Variants in XKR6 observed in about 807,000 individuals in gnomAD.
XKR6 encodes XK-related protein 6.
A neutral mutation model predicts 56.7 loss-of-function variants in XKR6; 22 were observed. That is an observed-to-expected ratio of 0.39 (90% confidence interval 0.28 to 0.55). XKR6 has a LOEUF of 0.55. Among genes scored for constraint, XKR6 ranks in the 20% least tolerant of loss-of-function variants. XKR6 has a pLI of 0.66. For missense variants in XKR6, 852 were observed against 889.0 expected (o/e 0.96, Z 0.53); for synonymous variants, 524 against 387.8 (o/e 1.35, Z -4.13).
chr8:10,907,399 A>C (rs771136729), intron 2 of XKR6, among the ~76,000 whole-genome samples: 3 of 152,182 alleles, frequency 2.0e-5, no homozygotes, highest in Non-Finnish European at 4.4e-5. Flanking sequence ...AGTAAGTTCA[A>C]TAACAGTGAT....
At chr8:11,116,861 C>A (rs1189933824) in intron 1 of XKR6, among the ~76,000 whole-genome samples, 1 of 152,148 alleles carries the variant, frequency 6.6e-6, no homozygotes. Flanking sequence ...GCGACACTGT[C>A]CTAACTCCAA....
At position 10,946,955 on chromosome 8, in the gene XKR6, C is replaced by G. The variant is rs545818530; in HGVS notation, c.765-22125G>C. 5.3e-5 allele frequency among the ~76,000 whole-genome samples: 8 copies of G among 152,058 alleles called. No individual in the cohort carries two copies. The East Asian group carries it at 1.4e-3, about 26-fold the overall frequency. Reference sequence around the variant, plus strand: ...AGACAGTTCCAGAGGGTCAAAATCCCCCAGGTTTGCGTGGGGACAGAGAGG... The same window carrying G: ...AGACAGTTCCAGAGGGTCAAAATCCGCCAGGTTTGCGTGGGGACAGAGAGG... On this transcript the variant is annotated intron_variant, in intron 1 of 2. Transcript: ENST00000416569.
Position 10,898,569 on chromosome 8 carries a change from G to A in XKR6, c.1309C>T (p.Arg437Trp), listed in dbSNP as rs1232058022. 8 of 1,613,918 alleles carry A rather than the reference G, an allele frequency of 5.0e-6. No homozygotes were observed. Among genetic ancestry groups the A allele is most frequent in the East Asian group, 4.5e-5 (2 of 44,880 alleles). ...IFCWFNVKEGRTRYRMFAYYT... is the reference protein window; with the variant it reads ...IFCWFNVKEGWTRYRMFAYYT... Reference sequence around the variant, plus strand: ...TATGCAAACATTCGATATCGAGTCCGCCCTTCCTTGACGTTAAACCAGCAG... The same window carrying A: ...TATGCAAACATTCGATATCGAGTCCACCCTTCCTTGACGTTAAACCAGCAG... The change falls in exon 3 of 3, where the codon CGG (arginine) becomes TGG (tryptophan). Residue 437 changes from arginine to tryptophan, a missense_variant. By Grantham distance (101) the Arg-to-Trp change is moderately radical (BLOSUM62 -3). Around this residue, in one of 4 missense-constraint regions of XKR6, gnomAD observed 199 missense variants for 280.4 expected, o/e 0.71. Coordinates refer to ENST00000416569, the MANE Select transcript of XKR6 (RefSeq NM_173683.4). The surrounding 1 kb of genome is among the most constrained non-coding windows in gnomAD (Gnocchi z 6.6).
Position 10,941,171 on chromosome 8 carries a change from C to T in XKR6, c.765-16341G>A, listed in dbSNP as rs1054182231. Among the ~76,000 whole-genome samples the T allele has an allele frequency of 2.6e-5, 4 of 152,174 alleles. No homozygotes were observed. In the South Asian group the frequency reaches 8.3e-4, roughly 32 times the overall value. On this transcript the variant is annotated intron_variant, in intron 1 of 2. Transcript: ENST00000416569. ...CAACAGGCTCCTTCTACCCTCTCTC[C>T]TGTCCTTCCTCCGGGTTCACAGCCT...
At chr8:11,004,004 A>C (rs559352383) in intron 1 of XKR6, among the ~76,000 whole-genome samples, 156 of 152,122 alleles carry the variant, frequency 1.0e-3, no homozygotes, top group Non-Finnish European at 1.4e-3. Context: ...GTGGCTGTGG[A>C]GTAGTGGGTC....
Position 11,200,661 on chromosome 8 carries a change from T to A in XKR6, c.679A>T (p.Thr227Ser). 1 of 1,555,596 alleles carries A rather than the reference T, an allele frequency of 6.4e-7. No individual in the cohort carries two copies. Among genetic ancestry groups the A allele is most frequent in the African/African-American group, 1.4e-5 (1 of 69,358 alleles). The change falls in exon 1 of 3, where the codon ACG becomes TCG. Residue 227 changes from threonine to serine, a missense_variant. Physicochemically the swap from Thr to Ser is moderately conservative, Grantham distance 58 (BLOSUM62 1). This residue lies in a region of XKR6 where 417 missense variants were observed against 355.2 expected (regional missense o/e 1.17). Coordinates refer to ENST00000416569, the MANE Select transcript of XKR6 (RefSeq NM_173683.4). This position sits in a 1 kb window ranked among gnomAD's most constrained non-coding sequence, Gnocchi z 6.4. The stretch of plus-strand genomic sequence containing the variant: ...CGACACAGGCGCTGCGCCCCCGGCG[T>A]GGGGGAGACCCTCACGCCTGGGCCA... ...RGGPGVRVSP[T>S]PGAQRLCRLS...
intron 1 of XKR6, among the ~76,000 whole-genome samples, chr8:11,110,113 C>A (rs1261158000): frequency 6.6e-6 from 1 of 152,092 alleles, no homozygotes; most frequent in African/African-American, 2.4e-5. Context: ...GCTGGGATTA[C>A]AGGTGCCCGC....
intron 1 of XKR6, among the ~76,000 whole-genome samples, chr8:11,042,229 A>T (rs1799303371): frequency 6.7e-6 from 1 of 149,838 alleles, no homozygotes; most frequent in Non-Finnish European, 1.5e-5. Context: ...AGTGTTTAGG[A>T]TTCCTTTTTT....
rs962292038 is a variant in XKR6 at position 11,200,202 on chromosome 8, G to T, written c.764+374C>A. Among the ~76,000 whole-genome samples the T allele has an allele frequency of 6.6e-6, 1 of 152,226 alleles. No individual in the cohort carries two copies. The highest frequency in any genetic ancestry group is 1.5e-5 in the Non-Finnish European group (1 of 68,042). ...GAATGCAGCGGCTGGAGGAGGGAAGGCTCCCCGGGGCCGCGAGCTGGGGTG... is the reference window on the plus strand; with the variant it reads ...GAATGCAGCGGCTGGAGGAGGGAAGTCTCCCCGGGGCCGCGAGCTGGGGTG... On this transcript the variant is annotated intron_variant, in intron 1 of 2. Coordinates refer to ENST00000416569, the MANE Select transcript of XKR6 (RefSeq NM_173683.4). The surrounding 1 kb of genome is among the most constrained non-coding windows in gnomAD (Gnocchi z 6.4).
intron 1 of XKR6, among the ~76,000 whole-genome samples, chr8:11,035,939 C>CTTTT (rs58989028): frequency 2.7e-4 from 27 of 101,630 alleles, no homozygotes; most frequent in African/African-American, 6.4e-4. Flanking sequence ...CTGTGAAAGT[C>CTTTT]TTTTTTTTTT....
Position 10,987,285 on chromosome 8 carries a change from C to A in XKR6, c.765-62455G>T, listed in dbSNP as rs562189374. 1.9e-4 allele frequency among the ~76,000 whole-genome samples: 29 copies of A among 152,266 alleles called. No homozygotes were observed. In the South Asian group the frequency reaches 5.4e-3, roughly 28 times the overall value. ...ACAGTCCTGGAAATGTAAAGTGGTA[C>A]TACTAGTTGATCAGTTCACTCAAAA... is the stretch of plus-strand genomic sequence containing the variant. On this transcript the variant is annotated intron_variant, in intron 1 of 2. Coordinates refer to ENST00000416569, the MANE Select transcript of XKR6 (RefSeq NM_173683.4).
intron 1 of XKR6, among the ~76,000 whole-genome samples, chr8:11,088,815 G>C (rs1158551118): frequency 6.6e-6 from 1 of 152,208 alleles, no homozygotes; most frequent in Non-Finnish European, 1.5e-5. Context: ...ACAGTGCCTA[G>C]CCTAGCAAGA....
At chr8:11,170,722 T>G (rs1802323404) in intron 1 of XKR6, among the ~76,000 whole-genome samples, 1 of 152,212 alleles carries the variant, frequency 6.6e-6, no homozygotes, top group Non-Finnish European at 1.5e-5. Flanking sequence ...AATAAAACTG[T>G]TACACATCAT....
intron 1 of XKR6, among the ~76,000 whole-genome samples, chr8:10,925,404 C>G (rs1182414974): frequency 6.6e-6 from 1 of 152,198 alleles, no homozygotes; most frequent in African/African-American, 2.4e-5. Flanking sequence ...ACTGCACAGG[C>G]TCCTGTCGCC....
intron 1 of XKR6, among the ~76,000 whole-genome samples, chr8:11,128,324 C>G (rs1269662169): frequency 2.6e-5 from 4 of 152,222 alleles, no homozygotes; most frequent in Non-Finnish European, 5.9e-5. Flanking sequence ...TCTACACTCA[C>G]TCCTGTGGGA....
chr8:10,928,777 C>T (rs1800974279), intron 1 of XKR6, among the ~76,000 whole-genome samples: 1 of 152,210 alleles, frequency 6.6e-6, no homozygotes, highest in Non-Finnish European at 1.5e-5. Flanking sequence ...CTCCAAGCCC[C>T]CTCCTTCTCC....
intron 1 of XKR6, among the ~76,000 whole-genome samples, chr8:11,121,645 G>T (rs190598656): frequency 1.3e-5 from 2 of 152,358 alleles, no homozygotes; most frequent in Non-Finnish European, 2.9e-5. Context: ...CAGGGATCTA[G>T]AACGGGAAAC....
chr8:11,150,636 T>C (rs186999993), intron 1 of XKR6, among the ~76,000 whole-genome samples: 8 of 152,186 alleles, frequency 5.3e-5, no homozygotes, highest in Admixed American at 3.9e-4. Flanking sequence ...GTGGATCACC[T>C]GAGGTCAGTA....
intron 1 of XKR6, among the ~76,000 whole-genome samples, chr8:11,050,687 A>G (rs1046953177): frequency 6.6e-6 from 1 of 152,200 alleles, no homozygotes; most frequent in Non-Finnish European, 1.5e-5. Context: ...TTTCTTTCAA[A>G]GAGAAGAGCT....
Sources: gnomAD v4.1 joint callset for allele counts (sites outside exome capture counted in the v4.1 genomes callset) on GRCh38, gnomAD v4.1.1 for gene constraint, gnomAD v4.1.1 regional missense constraint, Gnocchi (gnomAD v3.1) non-coding constraint, MANE v1.5 for transcripts, NCBI Gene and HGNC (gene_info 2026-07-23, HGNC 2026-07-21) for gene names.